Variants in CNTNAP5 observed in about 807,000 individuals in gnomAD.
The protein encoded by CNTNAP5 is contactin-associated protein-like 5.
Under a neutral mutation model 150.2 loss-of-function variants are expected in CNTNAP5, and 72 were observed. The ratio of observed to expected loss-of-function variants is 0.48; its 90% CI spans 0.40 to 0.58. CNTNAP5 has a LOEUF of 0.58. Among genes scored for constraint, CNTNAP5 ranks in the 20% least tolerant of loss-of-function variants. The pLI is 0.00. For synonymous variants in CNTNAP5, 672 were observed against 619.8 expected (o/e 1.08, Z -1.25); for missense variants, 1,636 against 1,626.2 (o/e 1.01, Z -0.10).
In CNTNAP5 at chr2:124,473,750, T is replaced by C. The variant is rs546211816; in HGVS notation, c.919-989T>C. Among the ~76,000 whole-genome samples, 7 of 152,152 alleles carry C rather than the reference T, an allele frequency of 4.6e-5. No individual in the cohort carries two copies. The East Asian group carries it at 1.2e-3, about 25-fold the overall frequency. ...AACTGCATTTCTCATTAAATGGTATTGGGATAAACCTGATAATATAAATTA... is the reference window on the plus strand; with the variant it reads ...AACTGCATTTCTCATTAAATGGTATCGGGATAAACCTGATAATATAAATTA... On this transcript the variant is annotated intron_variant, in intron 6 of 23. Coordinates refer to ENST00000682447, the MANE Select transcript of CNTNAP5 (RefSeq NM_001367498.1).
intron 3 of CNTNAP5, among the ~76,000 whole-genome samples, chr2:124,248,787 A>G (rs1032583217): frequency 3.3e-5 from 5 of 152,188 alleles, no homozygotes; most frequent in African/African-American, 1.2e-4. Flanking sequence ...CTTCAGGATT[A>G]ATATTCATAT....
Position 124,647,832 on chromosome 2 carries a change from C to A in CNTNAP5, c.1951C>A (p.Pro651Thr). Residue 651 changes from proline to threonine, a missense_variant, in exon 13 of 24, where the codon CCC (proline) becomes ACC (threonine). Transcript: ENST00000682447. ...TRVRGANPEK[P>T]YAMALDYGGS... ...AGTGCGGGGCGCTAACCCTGAGAAG[C>A]CCTATGCCATGGCCTTGGACTACGG... is the stretch of plus-strand genomic sequence containing the variant. 1 of 1,613,540 alleles carries A rather than the reference C, an allele frequency of 6.2e-7. No individual in the cohort carries two copies. The highest frequency in any genetic ancestry group is 8.5e-7 in the Non-Finnish European group (1 of 1,179,702).
intron 13 of CNTNAP5, among the ~76,000 whole-genome samples, chr2:124,709,569 G>T (rs1284420488): frequency 2.0e-5 from 3 of 152,100 alleles, no homozygotes; most frequent in Non-Finnish European, 4.4e-5. Context: ...AGAGATTTGT[G>T]TAGTCAGTCA....
intron 6 of CNTNAP5, among the ~76,000 whole-genome samples, chr2:124,468,499 G>A (rs1053591063): frequency 1.5e-4 from 23 of 151,940 alleles, no homozygotes; most frequent in African/African-American, 3.4e-4. Flanking sequence ...TAGCAGTTCC[G>A]GCAGTTGACT....
intron 6 of CNTNAP5, among the ~76,000 whole-genome samples, chr2:124,450,199 G>A (rs1692930611): frequency 6.6e-6 from 1 of 151,562 alleles, no homozygotes; most frequent in Non-Finnish European, 1.5e-5. Context: ...CTAATTTTTG[G>A]AGCATGTACT....
chr2:124,709,981 G>A (rs1022334062), intron 13 of CNTNAP5, among the ~76,000 whole-genome samples: 2 of 151,896 alleles, frequency 1.3e-5, no homozygotes, highest in Non-Finnish European at 2.9e-5. Context: ...ATGTAAAAAA[G>A]TAATTACTTT....
intron 3 of CNTNAP5, among the ~76,000 whole-genome samples, chr2:124,335,972 C>A (rs1172857118): frequency 2.6e-5 from 4 of 151,864 alleles, no homozygotes; most frequent in African/African-American, 9.7e-5. Context: ...GCTTAGGAGC[C>A]GTACAAAACA....
At chr2:124,743,524 C>T (rs1198073476) in intron 13 of CNTNAP5, among the ~76,000 whole-genome samples, 3 of 152,112 alleles carry the variant, frequency 2.0e-5, no homozygotes, top group Non-Finnish European at 4.4e-5. Flanking sequence ...TGCAGAAACT[C>T]ATCTTTGGGG....
At chr2:124,888,119 A>G (rs962662165) in intron 21 of CNTNAP5, among the ~76,000 whole-genome samples, 6 of 152,050 alleles carry the variant, frequency 3.9e-5, no homozygotes, top group African/African-American at 1.4e-4. Flanking sequence ...CTCCCTTTTA[A>G]TAGTCCTCAG....
intron 19 of CNTNAP5, among the ~76,000 whole-genome samples, chr2:124,861,740 T>A (rs528635380): frequency 6.6e-6 from 1 of 152,088 alleles, no homozygotes. Context: ...GTGACAAAAG[T>A]TTATTTCTTT....
intron 5 of CNTNAP5, among the ~76,000 whole-genome samples, chr2:124,441,298 T>C (rs1482250758): frequency 6.6e-6 from 1 of 152,078 alleles, no homozygotes; most frequent in African/African-American, 2.4e-5. Context: ...AAATATACTA[T>C]GCAGCGTGAG....
chr2:124,780,908 A>T (rs1313606098), intron 17 of CNTNAP5, among the ~76,000 whole-genome samples: 3 of 152,234 alleles, frequency 2.0e-5, no homozygotes, highest in Non-Finnish European at 4.4e-5. Context: ...TGATTGTTTT[A>T]AATTGAAATG....
intron 1 of CNTNAP5, among the ~76,000 whole-genome samples, chr2:124,170,310 C>T (rs1305571945): frequency 2.6e-5 from 4 of 151,854 alleles, no homozygotes; most frequent in African/African-American, 4.8e-5. Context: ...CAGTCACTGA[C>T]ATAACCTTTG....
At chr2:124,674,395 C>T (rs1269086227) in intron 13 of CNTNAP5, among the ~76,000 whole-genome samples, 2 of 111,676 alleles carry the variant, frequency 1.8e-5, no homozygotes, top group Non-Finnish European at 3.4e-5. Context: ...TTTGTTCTTT[C>T]TTTCCTTCCT....
intron 2 of CNTNAP5, among the ~76,000 whole-genome samples, chr2:124,225,469 T>A (rs1686432756): frequency 6.6e-6 from 1 of 152,144 alleles, no homozygotes; most frequent in South Asian, 2.1e-4. Context: ...TTCACTTACT[T>A]CCCTCCCTCT....
intron 1 of CNTNAP5, among the ~76,000 whole-genome samples, chr2:124,107,693 ATG>A (rs777598315): frequency 7.9e-5 from 12 of 152,208 alleles, no homozygotes; most frequent in Non-Finnish European, 1.8e-4. Context: ...TGTGCTAGCA[ATG>A]TGTGTGAACC....
chr2:124,688,705 A>C (rs535423572), intron 13 of CNTNAP5, among the ~76,000 whole-genome samples: 1 of 152,250 alleles, frequency 6.6e-6, no homozygotes, highest in East Asian at 1.9e-4. Context: ...AGAGCTGTGA[A>C]ATATCTAATC....
chr2:124,389,690 G>C (rs1691061093), intron 3 of CNTNAP5, among the ~76,000 whole-genome samples: 1 of 152,112 alleles, frequency 6.6e-6, no homozygotes, highest in Admixed American at 6.6e-5. Context: ...ATTTAGGCTG[G>C]GTGCAGTGGC....
intron 3 of CNTNAP5, among the ~76,000 whole-genome samples, chr2:124,295,112 A>T (rs1240823505): frequency 7.7e-6 from 1 of 129,476 alleles, no homozygotes; most frequent in African/African-American, 3.0e-5. Flanking sequence ...TCTCAAAAAC[A>T]AAACAACAAC....
Sources: allele counts gnomAD v4.1 joint callset (sites outside exome capture counted in the v4.1 genomes callset), GRCh38; gene constraint gnomAD v4.1.1; transcripts MANE v1.5; gene names NCBI Gene and HGNC (gene_info 2026-07-23, HGNC 2026-07-21).